Variants in TUSC3 observed in about 807,000 individuals in gnomAD.
The protein encoded by TUSC3 is dolichyl-diphosphooligosaccharide--protein glycosyltransferase subunit TUSC3.
TUSC3 carries 45 observed loss-of-function variants against 44.8 expected under a neutral mutation model. The ratio of observed to expected loss-of-function variants is 1.00; its 90% CI spans 0.79 to 1.29. The LOEUF is 1.29. Ranked by LOEUF, TUSC3 falls within the 50% of genes most tolerant of loss-of-function variation. The pLI is 0.00. For missense variants in TUSC3, 519 were observed against 437.9 expected, an observed-to-expected ratio of 1.19 and a Z score of -1.65; for synonymous variants, 212 against 152.9, an observed-to-expected ratio of 1.39 and a Z score of -2.85.
At chr8:15,760,406 T>C (rs1812122646) in intron 10 of TUSC3, among the ~76,000 whole-genome samples, 1 of 152,192 alleles carries the variant, frequency 6.6e-6, no homozygotes, top group Non-Finnish European at 1.5e-5. Context: ...TTTACACCTA[T>C]GTAGTAATAT....
intron 2 of TUSC3, among the ~76,000 whole-genome samples, chr8:15,509,195 G>C (rs1801099599): frequency 1.3e-5 from 2 of 152,208 alleles, no homozygotes; most frequent in Admixed American, 6.5e-5. Flanking sequence ...GAGTACAGAA[G>C]AGCAAATATT....
Position 15,540,265 on chromosome 8 carries a change from TCTC to T in TUSC3, c.-159_-157del, listed in dbSNP as rs1801631786. 4 of 968,254 alleles carry T rather than the reference TCTC, an allele frequency of 4.1e-6. No individual in the cohort carries two copies. Among genetic ancestry groups the T allele is most frequent in the Non-Finnish European group, 5.6e-6 (4 of 716,636 alleles). 60.0% of individuals were successfully genotyped at this position (968,254 alleles called of 1,614,324 possible). On this transcript the variant is annotated 5_prime_UTR_variant, in exon 1 of 11. Coordinates refer to ENST00000503731, the MANE Select transcript of TUSC3 (RefSeq NM_006765.4). ...CCCGGTGAACCGGATGCTCTGTCAG[TCTC>T]CTCCTCTGCGTCCTCGGCCGCGGCC...
At chr8:15,464,731 G>C (rs949145891) in intron 1 of TUSC3, among the ~76,000 whole-genome samples, 3 of 152,152 alleles carry the variant, frequency 2.0e-5, no homozygotes, top group Non-Finnish European at 4.4e-5. Flanking sequence ...GCAAATTGAT[G>C]TATCATTTAT....
chr8:15,738,899 C>T (rs1247310624), intron 7 of TUSC3, among the ~76,000 whole-genome samples: 5 of 125,788 alleles, frequency 4.0e-5, no homozygotes, highest in Non-Finnish European at 7.8e-5. Context: ...GTGGTGCAAT[C>T]TCGGCTCACT....
chr8:15,431,899 T>C, intron 1 of TUSC3, among the ~76,000 whole-genome samples: 2 of 66,904 alleles, frequency 3.0e-5, no homozygotes, highest in Non-Finnish European at 8.6e-5. Flanking sequence ...AAATGCCATT[T>C]CTGTGTCTAT....
At chr8:15,723,254 A>C (rs557436683) in intron 6 of TUSC3, among the ~76,000 whole-genome samples, 1 of 152,274 alleles carries the variant, frequency 6.6e-6, no homozygotes, top group African/African-American at 2.4e-5. Context: ...CAGCAGAGAC[A>C]TTGCTAAACG....
At chr8:15,849,979 C>T in the TUSC3 span, among the ~76,000 whole-genome samples, 2 of 151,736 alleles carry the variant, frequency 1.3e-5, no homozygotes, top group African/African-American at 2.4e-5. Flanking sequence ...TTGTTTTCCA[C>T]TAAAGGTAAC....
intron 1 of TUSC3, among the ~76,000 whole-genome samples, chr8:15,446,318 G>A (rs557559777): frequency 6.6e-6 from 1 of 152,186 alleles, no homozygotes; most frequent in Non-Finnish European, 1.5e-5. Context: ...TTACTTCCCA[G>A]ACGGGGTGGC....
intron 1 of TUSC3, among the ~76,000 whole-genome samples, chr8:15,610,715 C>T (rs1408153618): frequency 6.6e-6 from 1 of 152,150 alleles, no homozygotes; most frequent in Admixed American, 6.6e-5. Flanking sequence ...TTGAATAGGG[C>T]TACTGTGTTA....
At chr8:15,512,601 C>T (rs1399197453) in intron 2 of TUSC3, among the ~76,000 whole-genome samples, 6 of 151,902 alleles carry the variant, frequency 3.9e-5, no homozygotes, top group African/African-American at 1.5e-4. Context: ...GGGAAAACCC[C>T]GTCTCTACTA....
the TUSC3 span, among the ~76,000 whole-genome samples, chr8:15,810,731 G>A: frequency 4.6e-5 from 7 of 152,264 alleles, no homozygotes; most frequent in East Asian, 1.4e-3. Flanking sequence ...CACATGGCCA[G>A]CAGATTGAAG....
At chr8:15,733,951 G>A (rs1810828466) in intron 7 of TUSC3, among the ~76,000 whole-genome samples, 1 of 152,184 alleles carries the variant, frequency 6.6e-6, no homozygotes, top group South Asian at 2.1e-4. Context: ...GGCGGAGGCA[G>A]GAGGATCACT....
chr8:15,648,244 A>G (rs951828599), intron 2 of TUSC3, among the ~76,000 whole-genome samples: 2 of 152,094 alleles, frequency 1.3e-5, no homozygotes, highest in African/African-American at 2.4e-5. Context: ...CATATTCGAA[A>G]TCTATATAAG....
chr8:15,845,365 C>A, the TUSC3 span, among the ~76,000 whole-genome samples: 84,997 of 151,894 alleles, frequency 0.56, 26,264 homozygotes, highest in Non-Finnish European at 0.71. Flanking sequence ...TAAGGAGTTT[C>A]AGAAAATCCT....
intron 6 of TUSC3, among the ~76,000 whole-genome samples, chr8:15,679,968 T>C (rs1808349285): frequency 1.3e-5 from 2 of 152,224 alleles, no homozygotes; most frequent in Non-Finnish European, 2.9e-5. Context: ...ACCAATACCA[T>C]GCTGTTTTGG....
At chr8:15,563,556 C>T (rs1344723861) in intron 1 of TUSC3, among the ~76,000 whole-genome samples, 1 of 151,778 alleles carries the variant, frequency 6.6e-6, no homozygotes, top group South Asian at 2.1e-4. Flanking sequence ...TGTGGTGGCG[C>T]ATGCCTGTAA....
At chr8:15,611,721 C>T (rs1402526367) in intron 1 of TUSC3, among the ~76,000 whole-genome samples, 1 of 152,060 alleles carries the variant, frequency 6.6e-6, no homozygotes, top group Non-Finnish European at 1.5e-5. Context: ...TAGTGGTGGT[C>T]TTTACTGAAC....
intron 1 of TUSC3, among the ~76,000 whole-genome samples, chr8:15,587,813 T>G: frequency 6.6e-6 from 1 of 152,250 alleles, no homozygotes; most frequent in Non-Finnish European, 1.5e-5. Context: ...TGAGAACATA[T>G]ATGATTTATC....
At chr8:15,447,065 A>T (rs560601558) in intron 1 of TUSC3, among the ~76,000 whole-genome samples, 4 of 152,186 alleles carry the variant, frequency 2.6e-5, no homozygotes, top group South Asian at 2.1e-4. Flanking sequence ...AAAAAAAAAT[A>T]GGATAAGATA....
Sources: allele counts gnomAD v4.1 joint callset (sites outside exome capture counted in the v4.1 genomes callset), GRCh38; gene constraint gnomAD v4.1.1; transcripts MANE v1.5; gene names NCBI Gene and HGNC (gene_info 2026-07-23, HGNC 2026-07-21).